Variants in VDR observed in about 807,000 individuals in gnomAD.
VDR encodes vitamin D receptor.
In VDR, 19 loss-of-function variants were observed where a neutral mutation model predicts 39.7. The observed-to-expected ratio is 0.48, with a 90% CI of 0.33 to 0.70. The LOEUF (loss-of-function observed/expected upper bound fraction) is 0.70, where lower values mean the gene tolerates loss of function less well. Ranked by LOEUF, VDR falls within the 30% of genes least tolerant of loss-of-function variation. The probability of loss-of-function intolerance (pLI) is 0.02; values close to 1 mark genes in which losing one functional copy is unlikely to be tolerated. For synonymous variants in VDR, 242 were observed against 215.8 expected, an observed-to-expected ratio of 1.12 and a Z score of -1.07; for missense variants, 442 against 570.5, an observed-to-expected ratio of 0.77 and a Z score of 2.29.
At chr12:47,852,155 C>G (rs1311415423) in intron 7 of VDR, among the ~76,000 whole-genome samples, 1 of 152,138 alleles carries the variant, frequency 6.6e-6, no homozygotes, top group South Asian at 2.1e-4. Context: ...GGCAGCTTTC[C>G]CGTGTATGCA....
intron 1 of VDR, among the ~76,000 whole-genome samples, chr12:47,896,037 T>A (rs1196614141): frequency 2.6e-5 from 4 of 152,244 alleles, no homozygotes; most frequent in African/African-American, 4.8e-5. Context: ...TGCCCAACCC[T>A]GAATTCTCCC....
At chr12:47,893,631 G>C (rs1264079668) in intron 1 of VDR, among the ~76,000 whole-genome samples, 1 of 152,208 alleles carries the variant, frequency 6.6e-6, no homozygotes, top group Non-Finnish European at 1.5e-5. Flanking sequence ...TGGGCGCAGA[G>C]AGAGGTGAGT....
intron 2 of VDR, 106 bp from the exon 3 acceptor site, chr12:47,879,221 C>A: frequency 1.4e-6 from 2 of 1,386,528 alleles, no homozygotes; most frequent in Non-Finnish European, 1.9e-6. Flanking sequence ...GCCCCCACCC[C>A]CCACCACCAG....
At chr12:47,857,457 AGT>A in intron 5 of VDR, 45 bp downstream of exon 5, 1 of 1,613,444 alleles carries the variant, frequency 6.2e-7, no homozygotes, top group Non-Finnish European at 8.5e-7. Context: ...TGGCTCCACT[AGT>A]GCTTCTCCTC....
intron 1 of VDR, chr12:47,897,158 G>A (rs1946478191): frequency 3.3e-5 from 5 of 152,172 alleles, no homozygotes. Context: ...ATGAACCTTG[G>A]TTTCCTCTTC....
chr12:47,878,752 C>T (rs752360678), intron 3 of VDR: 30 of 781,014 alleles, frequency 3.8e-5, no homozygotes, highest in Admixed American at 6.2e-5. Flanking sequence ...CTCAGGAAAG[C>T]GATTTCCAAG....
intron 1 of VDR, among the ~76,000 whole-genome samples, chr12:47,893,494 AAAAG>A: frequency 6.6e-6 from 1 of 152,326 alleles, no homozygotes; most frequent in East Asian, 1.9e-4. Flanking sequence ...GGAGAAAATC[AAAAG>A]AAAGAACAAA....
At position 47,879,026 on chromosome 12, in the gene VDR, G is replaced by A. The variant is rs121909801; in HGVS notation, c.88C>T (p.Arg30Ter). The A allele has an allele frequency of 1.9e-5, 30 of 1,613,814 alleles. No individual in the cohort carries two copies. Among genetic ancestry groups the A allele is most frequent in the East Asian group, 6.7e-5 (3 of 44,872 alleles). ...VPRICGVCGD[R>*]ATGFHFNAMT... ...GCATTGAAGTGAAAGCCAGTGGCTC[G>A]GTCTCCACACACCCCACAGATCCGG... The change falls in exon 3 of 10, where the codon CGA becomes TGA. Residue 30 changes from arginine (R) to a stop codon, truncating the protein, a stop_gained. Transcript: ENST00000549336. LOFTEE classifies it high-confidence loss of function.
At chr12:47,855,363 T>C (rs930198378) in intron 7 of VDR, among the ~76,000 whole-genome samples, 21 of 149,906 alleles carry the variant, frequency 1.4e-4, no homozygotes, top group Non-Finnish European at 8.9e-5. Flanking sequence ...AATAAATAAA[T>C]AAATAAATTA....
rs747836722 is a variant in VDR, at chr12:47,857,222, C to T, written c.490G>A (p.Gly164Arg). The stretch of plus-strand genomic sequence containing the variant: ...GAGTTGGGCCTGGAAGGATGGCTCC[C>T]TCCACCATCATTCACACGAACTGGA... ...RPPVRVNDGG[G>R]SHPSRPNSRH... is the part of the protein sequence containing the mutation. Residue 164 changes from glycine to arginine, a missense_variant, in exon 6 of 10, where the codon GGG becomes AGG. This residue lies in a region of VDR where 77 missense variants were observed against 67.4 expected (regional missense o/e 1.14). Transcript: ENST00000549336. 6.2e-7 allele frequency: 1 copy of T among 1,614,188 alleles called. No individual in the cohort carries two copies. The highest frequency in any genetic ancestry group is 1.1e-5 in the South Asian group (1 of 91,062).
chr12:47,851,490 A>G (rs1945386941), intron 7 of VDR, among the ~76,000 whole-genome samples: 1 of 152,228 alleles, frequency 6.6e-6, no homozygotes, highest in Admixed American at 6.5e-5. Context: ...ACACCCACAC[A>G]GAAGTCTCAT....
At chr12:47,857,436 T>C in intron 5 of VDR, 68 bp downstream of exon 5, 4 of 1,611,290 alleles carry the variant, frequency 2.5e-6, no homozygotes, top group Non-Finnish European at 3.4e-6. Context: ...CTGTCCCTAC[T>C]CCCTGGGCCC....
chr12:47,889,517 TGA>T (rs1399734573), intron 1 of VDR, among the ~76,000 whole-genome samples: 13 of 152,276 alleles, frequency 8.5e-5, no homozygotes, highest in African/African-American at 2.9e-4. Context: ...GCCAAAGACA[TGA>T]ACAAGAACTC....
At chr12:47,898,567 C>T (rs933012170) in intron 1 of VDR, 1 of 154,470 alleles carries the variant, frequency 6.5e-6, no homozygotes, top group East Asian at 1.9e-4. Context: ...ATAACATGTA[C>T]ACCCCTAGCA....
At position 47,842,659 on chromosome 12, in the gene VDR, A is replaced by G. The variant is rs560804338; in HGVS notation, c.*2087T>C. ...TTTTTTTTTTGTATTTTTAATAGAG[A>G]CAGGGTTTCTCCATGTTGGTCAGGT... On this transcript the variant is annotated 3_prime_UTR_variant, in exon 10 of 10. Coordinates refer to ENST00000549336, the MANE Select transcript of VDR (RefSeq NM_000376.3). 2 of 138,592 alleles carry G rather than the reference A, an allele frequency of 1.4e-5. No individual in the cohort carries two copies. Among genetic ancestry groups the G allele is most frequent in the Non-Finnish European group, 3.0e-5 (2 of 65,882 alleles). The allele number at this position is 138,592 out of a possible 1,614,324, so 8.6% of individuals were successfully genotyped here. A position where few individuals can be genotyped will look rare whatever the true frequency, so the allele number is the denominator to read the frequency against.
At chr12:47,895,788 A>T (rs1164074061) in intron 1 of VDR, among the ~76,000 whole-genome samples, 1 of 152,236 alleles carries the variant, frequency 6.6e-6, no homozygotes, top group Admixed American at 6.5e-5. Flanking sequence ...CTGAATGTCC[A>T]GCTTTCTATG....
At chr12:47,893,946 C>T (rs1024136554) in intron 1 of VDR, among the ~76,000 whole-genome samples, 10 of 152,238 alleles carry the variant, frequency 6.6e-5, no homozygotes, top group Admixed American at 1.3e-4. Context: ...CTTGGTTCAA[C>T]GTTTCAGGCC....
At chr12:47,887,987 C>T (rs1946290245) in intron 1 of VDR, among the ~76,000 whole-genome samples, 1 of 152,192 alleles carries the variant, frequency 6.6e-6, no homozygotes, top group South Asian at 2.1e-4. Flanking sequence ...GTGTATTAGT[C>T]TGTTTTCACG....
rs938672160 is a variant in VDR at position 47,878,712 on chromosome 12, T to C, written c.146+256A>G. The C allele has an allele frequency of 1.5e-5, 9 of 602,914 alleles. 1 individual carries two copies. In the African/African-American group the frequency reaches 1.6e-4, roughly 11 times the overall value. The allele number at this position is 602,914 out of a possible 1,614,324, so 37.3% of individuals were successfully genotyped here. ...TGTAGGAGGCTGTGGGTTACAGGCG[T>C]AATGGAAAGACAGAGACCCACACAG... On this transcript the variant is annotated intron_variant, in intron 3 of 9. Transcript: ENST00000549336.
Sources: gnomAD v4.1 joint callset for allele counts (sites outside exome capture counted in the v4.1 genomes callset) on GRCh38, gnomAD v4.1.1 for gene constraint, gnomAD v4.1.1 regional missense constraint, MANE v1.5 for transcripts, NCBI Gene and HGNC (gene_info 2026-07-23, HGNC 2026-07-21) for gene names.